Variants in AGPAT3 observed in about 807,000 individuals in gnomAD.
AGPAT3 encodes 1-acyl-sn-glycerol-3-phosphate acyltransferase gamma.
Under a neutral mutation model 47.3 loss-of-function variants are expected in AGPAT3, and 5 were observed. The ratio of observed to expected loss-of-function variants is 0.11; its 90% CI spans 0.06 to 0.22. The LOEUF (loss-of-function observed/expected upper bound fraction) is 0.22. AGPAT3 is among the 10% of genes least tolerant of loss of function. The pLI, the probability that AGPAT3 is intolerant of heterozygous loss-of-function variation, is 1.00. For synonymous variants in AGPAT3, 212 were observed against 208.3 expected (o/e 1.02, Z -0.15); for missense variants, 315 against 493.0 (o/e 0.64, Z 3.42).
chr21:43,898,848 A>G (rs2086286298), intron 1 of AGPAT3, among the ~76,000 whole-genome samples: 1 of 151,278 alleles, frequency 6.6e-6, no homozygotes, highest in African/African-American at 2.4e-5. Flanking sequence ...ATTCTTTTTT[A>G]CTTTTGAATA....
chr21:43,941,161 C>T (rs907006293), intron 2 of AGPAT3, among the ~76,000 whole-genome samples: 9 of 152,168 alleles, frequency 5.9e-5, no homozygotes, highest in Non-Finnish European at 7.3e-5. Context: ...AGCCGGAGAA[C>T]GAGGTGATTT....
chr21:43,886,600 A>G (rs1257877433), intron 1 of AGPAT3, among the ~76,000 whole-genome samples: 1 of 151,648 alleles, frequency 6.6e-6, no homozygotes, highest in Non-Finnish European at 1.5e-5. Flanking sequence ...ATACCCATTA[A>G]CCTCCCTCTA....
intron 2 of AGPAT3, among the ~76,000 whole-genome samples, chr21:43,950,294 A>G (rs2088128406): frequency 6.6e-6 from 1 of 152,240 alleles, no homozygotes; most frequent in African/African-American, 2.4e-5. Flanking sequence ...AATCGTCTGC[A>G]CAGACTGACA....
In AGPAT3 at chr21:43,943,801, C is replaced by T. The variant is rs544201015; in HGVS notation, c.-48-15833C>T. On this transcript the variant is annotated intron_variant, in intron 2 of 9. Coordinates refer to ENST00000291572, the MANE Select transcript of AGPAT3 (RefSeq NM_020132.5). ...CGATGGCAGTAGTGGCAGCTTATTA[C>T]CACATCAGGAGAGGCCGGAGCGTTT... Among the ~76,000 whole-genome samples the T allele has an allele frequency of 1.1e-4, 16 of 152,346 alleles. 1 individual carries two copies. In the South Asian group the frequency reaches 3.1e-3, roughly 30 times the overall value.
At chr21:43,882,247 G>C (rs1352125030) in intron 1 of AGPAT3, among the ~76,000 whole-genome samples, 1 of 152,244 alleles carries the variant, frequency 6.6e-6, no homozygotes, top group Non-Finnish European at 1.5e-5. Flanking sequence ...CTTAGAGCAG[G>C]GTCTGGCAAA....
In AGPAT3 at chr21:43,924,170, C is replaced by T. The variant is rs577609086; in HGVS notation, c.-49+20151C>T. On this transcript the variant is annotated intron_variant, in intron 2 of 9. Transcript: ENST00000291572. ...CTGGGACTACAGGTGCCCGCCAGCA[C>T]GCCTGCCTAATTTTTTTGTATTTTT... is the stretch of plus-strand genomic sequence containing the variant. 4.1e-5 allele frequency among the ~76,000 whole-genome samples: 6 copies of T among 147,406 alleles called. No individual in the cohort carries two copies. In the East Asian group the frequency reaches 6.0e-4, roughly 15 times the overall value.
In AGPAT3 at chr21:43,930,389, G is replaced by C. The variant is rs757310351; in HGVS notation, c.-49+26370G>C. 1.3e-5 allele frequency among the ~76,000 whole-genome samples: 2 copies of C among 152,156 alleles called. No homozygotes were observed. Among genetic ancestry groups the C allele is most frequent in the Non-Finnish European group, 2.9e-5 (2 of 68,024 alleles). On this transcript the variant is annotated intron_variant, in intron 2 of 9. Coordinates refer to ENST00000291572, the MANE Select transcript of AGPAT3 (RefSeq NM_020132.5). The surrounding 1 kb of genome is among the most constrained non-coding windows in gnomAD (Gnocchi z 5.0). ...CTAGCGGGGCAGAGCTGTGCTGAGC[G>C]CTGAGGGATCATTTGTGTAAAGCAC...
chr21:43,888,864 C>T (rs1271382148), intron 1 of AGPAT3, among the ~76,000 whole-genome samples: 1 of 152,096 alleles, frequency 6.6e-6, no homozygotes, highest in Non-Finnish European at 1.5e-5. Context: ...TGGCATGCGC[C>T]TGTAATACCA....
intron 5 of AGPAT3, among the ~76,000 whole-genome samples, chr21:43,969,828 G>T (rs1289700548): frequency 6.6e-6 from 1 of 151,970 alleles, no homozygotes; most frequent in Non-Finnish European, 1.5e-5. Context: ...CTCCCAAGTA[G>T]CTGACATTAC....
rs1368498960 is a variant in AGPAT3, at chr21:43,981,322, T to TC, written c.1042+141dup. 3.1e-6 allele frequency: 3 copies of TC among 979,030 alleles called. No homozygotes were observed. The highest frequency in any genetic ancestry group is 4.6e-6 in the Non-Finnish European group (3 of 646,458). The allele number at this position is 979,030 out of a possible 1,614,324, so 60.6% of individuals were successfully genotyped here. ...GCTGTTATGGACCCTGGAGCCAGGA[T>TC]CCCCCCACGGCCTGCGGGCCTCAGA... On this transcript the variant is annotated intron_variant, in intron 9 of 9. Coordinates refer to ENST00000291572, the MANE Select transcript of AGPAT3 (RefSeq NM_020132.5). This position sits in a 1 kb window ranked among gnomAD's most constrained non-coding sequence, Gnocchi z 5.3.
chr21:43,911,082 A>G (rs2086622792), intron 2 of AGPAT3, among the ~76,000 whole-genome samples: 2 of 152,234 alleles, frequency 1.3e-5, no homozygotes, highest in African/African-American at 4.8e-5. Flanking sequence ...AATACACATA[A>G]GAACATACAT....
chr21:43,975,967 A>AT (rs905009191), intron 7 of AGPAT3, among the ~76,000 whole-genome samples: 3 of 146,118 alleles, frequency 2.1e-5, no homozygotes, highest in Non-Finnish European at 4.5e-5. Context: ...GGAGGCAGGG[A>AT]TGTGTGTTTT....
intron 2 of AGPAT3, among the ~76,000 whole-genome samples, chr21:43,917,039 G>C (rs956205641): frequency 1.3e-5 from 2 of 152,086 alleles, no homozygotes; most frequent in Non-Finnish European, 2.9e-5. Context: ...CCTCTCTCCT[G>C]TCCCAGAGCC....
At chr21:43,950,047 G>A (rs1001611755) in intron 2 of AGPAT3, among the ~76,000 whole-genome samples, 4 of 152,308 alleles carry the variant, frequency 2.6e-5, no homozygotes, top group Non-Finnish European at 4.4e-5. Flanking sequence ...TGGAAGCCTC[G>A]TGTTGAAGGT....
intron 2 of AGPAT3, among the ~76,000 whole-genome samples, chr21:43,921,466 C>T (rs1367958646): frequency 6.6e-6 from 1 of 152,134 alleles, no homozygotes; most frequent in Non-Finnish European, 1.5e-5. Flanking sequence ...AGCATCCTGA[C>T]CCGGTGGTCA....
chr21:43,947,370 G>A (rs1185020614), intron 2 of AGPAT3, among the ~76,000 whole-genome samples: 3 of 152,230 alleles, frequency 2.0e-5, no homozygotes, highest in African/African-American at 4.8e-5. Context: ...TCAGGAGAGC[G>A]TGCAGCCGTG....
At chr21:43,885,192 A>G (rs1417859419) in intron 1 of AGPAT3, among the ~76,000 whole-genome samples, 1 of 152,114 alleles carries the variant, frequency 6.6e-6, no homozygotes, top group Non-Finnish European at 1.5e-5. Context: ...CTCTGGTAGC[A>G]TGGAGCTCGC....
intron 1 of AGPAT3, among the ~76,000 whole-genome samples, chr21:43,885,075 G>C (rs915931316): frequency 6.6e-6 from 1 of 152,248 alleles, no homozygotes; most frequent in Non-Finnish European, 1.5e-5. Flanking sequence ...TGCTGAGCAA[G>C]GCCGGGAACC....
intron 4 of AGPAT3, among the ~76,000 whole-genome samples, chr21:43,968,488 G>A (rs1283794755): frequency 7.2e-5 from 11 of 151,802 alleles, no homozygotes; most frequent in Admixed American, 7.2e-4. Context: ...CCCAGCAGAG[G>A]AGCTGGGAGA....
Sources: gnomAD v4.1 joint callset for allele counts (sites outside exome capture counted in the v4.1 genomes callset) on GRCh38, gnomAD v4.1.1 for gene constraint, Gnocchi (gnomAD v3.1) non-coding constraint, MANE v1.5 for transcripts, NCBI Gene and HGNC (gene_info 2026-07-23, HGNC 2026-07-21) for gene names.